MSRA: variants seen among roughly 807,000 people sequenced by gnomAD.
The protein encoded by MSRA is mitochondrial peptide methionine sulfoxide reductase.
In MSRA, 54 loss-of-function variants were observed where a neutral mutation model predicts 31.3. The observed-to-expected ratio is 1.73, with a 90% CI of 1.39 to 2.17. The LOEUF (loss-of-function observed/expected upper bound fraction) is 2.17, where lower values mean the gene tolerates loss of function less well. MSRA is among the 30% of genes most tolerant of loss of function. The probability of loss-of-function intolerance (pLI) is 0.00; values close to 1 mark genes in which losing one functional copy is unlikely to be tolerated. For missense variants in MSRA, 507 were observed against 300.9 expected (o/e 1.69, Z -5.07); for synonymous variants, 169 against 116.5 (o/e 1.45, Z -2.90).
intron 5 of MSRA, among the ~76,000 whole-genome samples, chr8:10,325,458 T>C (rs1802306672): frequency 6.6e-6 from 1 of 152,070 alleles, no homozygotes; most frequent in Non-Finnish European, 1.5e-5. Context: ...GTATAGATCT[T>C]AGGTGTTTAT....
chr8:10,317,713 C>G (rs1468910854), intron 4 of MSRA, among the ~76,000 whole-genome samples: 2 of 152,186 alleles, frequency 1.3e-5, no homozygotes, highest in Admixed American at 6.5e-5. Flanking sequence ...CCTGGTACAT[C>G]AAGACAGCCA....
intron 5 of MSRA, among the ~76,000 whole-genome samples, chr8:10,380,705 T>G (rs1175971548): frequency 6.6e-6 from 1 of 152,198 alleles, no homozygotes; most frequent in Non-Finnish European, 1.5e-5. Flanking sequence ...TATTTTTGAA[T>G]GGATGGATAG....
intron 3 of MSRA, among the ~76,000 whole-genome samples, chr8:10,266,664 C>G (rs1448405939): frequency 1.3e-5 from 2 of 151,848 alleles, no homozygotes; most frequent in African/African-American, 4.8e-5. Flanking sequence ...TTGTCTAACA[C>G]AAATATTTTC....
chr8:10,137,622 T>C (rs1296195232), intron 1 of MSRA, among the ~76,000 whole-genome samples: 5 of 152,216 alleles, frequency 3.3e-5, no homozygotes, highest in Non-Finnish European at 7.3e-5. Flanking sequence ...TAGCGAATGC[T>C]GTGGTTTTCA....
intron 2 of MSRA, among the ~76,000 whole-genome samples, chr8:10,212,611 T>C (rs1328497343): frequency 6.6e-6 from 1 of 152,228 alleles, no homozygotes; most frequent in Non-Finnish European, 1.5e-5. Context: ...AAAACCTAGT[T>C]TGTGATACTT....
At chr8:10,277,605 A>G (rs1799392647) in intron 3 of MSRA, among the ~76,000 whole-genome samples, 1 of 152,200 alleles carries the variant, frequency 6.6e-6, no homozygotes. Context: ...GGCAAAATGT[A>G]CTGATATTTG....
chr8:10,167,376 T>C (rs149483710), intron 1 of MSRA, among the ~76,000 whole-genome samples: 1 of 152,198 alleles, frequency 6.6e-6, no homozygotes, highest in African/African-American at 2.4e-5. Flanking sequence ...ACAGTGTTAT[T>C]AACATGTAAA....
chr8:10,061,938 C>T (rs1195114137), intron 1 of MSRA, among the ~76,000 whole-genome samples: 1 of 152,184 alleles, frequency 6.6e-6, no homozygotes. Context: ...TCAGTGCAGT[C>T]CACGTGGGGC....
intron 1 of MSRA, among the ~76,000 whole-genome samples, chr8:10,140,649 T>C (rs1335545114): frequency 6.6e-6 from 1 of 152,222 alleles, no homozygotes; most frequent in Non-Finnish European, 1.5e-5. Context: ...ATTTGGATTT[T>C]TCTGCAGCAG....
rs544583297 is a variant in MSRA, at chr8:10,319,267, C to T, written c.437-616C>T. On this transcript the variant is annotated intron_variant, in intron 4 of 5. Coordinates refer to ENST00000317173, the MANE Select transcript of MSRA (RefSeq NM_012331.5). The stretch of plus-strand genomic sequence containing the variant: ...GGCCTACAGGGGATCTGTGGCAACC[C>T]TGCGGCTGTTTCACTCTGGGGCACT... 4.6e-5 allele frequency among the ~76,000 whole-genome samples: 7 copies of T among 152,288 alleles called. No homozygotes were observed. In the South Asian group the frequency reaches 1.2e-3, roughly 27 times the overall value.
At chr8:10,398,063 T>A (rs1807211341) in intron 5 of MSRA, among the ~76,000 whole-genome samples, 1 of 152,218 alleles carries the variant, frequency 6.6e-6, no homozygotes, top group African/African-American at 2.4e-5. Flanking sequence ...TGTAAATTTG[T>A]GTAAAAATCT....
chr8:10,339,555 T>TC (rs1255568090), intron 5 of MSRA, among the ~76,000 whole-genome samples: 24 of 118,832 alleles, frequency 2.0e-4, no homozygotes, highest in Non-Finnish European at 3.4e-4. Flanking sequence ...TTTTTTTTTT[T>TC]TTCTGAGACG....
At chr8:10,328,348 C>G (rs1206074880) in intron 5 of MSRA, among the ~76,000 whole-genome samples, 1 of 150,744 alleles carries the variant, frequency 6.6e-6, no homozygotes, top group African/African-American at 2.4e-5. Context: ...ATGCCTTTCC[C>G]TCGCCTTTTC....
chr8:10,252,453 G>T (rs992991773), intron 3 of MSRA, among the ~76,000 whole-genome samples: 11 of 152,164 alleles, frequency 7.2e-5, no homozygotes, highest in Admixed American at 2.0e-4. Flanking sequence ...TTTCCTGATA[G>T]ATAGTTCTTG....
chr8:10,390,746 A>C (rs1338163786), intron 5 of MSRA, among the ~76,000 whole-genome samples: 2 of 152,168 alleles, frequency 1.3e-5, no homozygotes, highest in Admixed American at 1.3e-4. Context: ...ACTCCATTCC[A>C]AAGGCGAAGA....
At chr8:10,230,759 C>T (rs1045458699) in intron 2 of MSRA, among the ~76,000 whole-genome samples, 4 of 152,104 alleles carry the variant, frequency 2.6e-5, no homozygotes, top group Admixed American at 1.3e-4. Flanking sequence ...AAGATTCTTG[C>T]ATCTTACCTA....
intron 1 of MSRA, among the ~76,000 whole-genome samples, chr8:10,144,622 G>A (rs1488621601): frequency 1.4e-5 from 2 of 143,550 alleles, no homozygotes; most frequent in African/African-American, 5.3e-5. Flanking sequence ...CCCTCTCCCT[G>A]CTTTTTTTCC....
At chr8:10,170,543 C>T (rs1013564503) in intron 1 of MSRA, among the ~76,000 whole-genome samples, 5 of 151,908 alleles carry the variant, frequency 3.3e-5, no homozygotes, top group South Asian at 4.2e-4. Flanking sequence ...GTGGATTCAA[C>T]GAAACTTGGA....
intron 5 of MSRA, among the ~76,000 whole-genome samples, chr8:10,406,958 G>T (rs1403686693): frequency 3.9e-5 from 6 of 152,174 alleles, no homozygotes; most frequent in African/African-American, 1.4e-4. Context: ...GCTCCCTGTG[G>T]CCTCAGCCTT....
Sources: gnomAD v4.1 joint callset for allele counts (sites outside exome capture counted in the v4.1 genomes callset) on GRCh38, gnomAD v4.1.1 for gene constraint, MANE v1.5 for transcripts, NCBI Gene and HGNC (gene_info 2026-07-23, HGNC 2026-07-21) for gene names.